The following CRYBB2 variants were observed in gnomAD, a reference collection of about 807,000 sequenced individuals.
CRYBB2 encodes crystallin beta B2, also known as beta-crystallin B2.
In CRYBB2, 12 loss-of-function variants were observed where a neutral mutation model predicts 24.3. The ratio of observed to expected loss-of-function variants is 0.49; its 90% CI spans 0.32 to 0.80. The LOEUF (loss-of-function observed/expected upper bound fraction) is 0.80, where lower values mean the gene tolerates loss of function less well. Ranked by LOEUF, CRYBB2 falls within the 30% of genes least tolerant of loss-of-function variation. The pLI, the probability that CRYBB2 is intolerant of heterozygous loss-of-function variation, is 0.04. For missense variants in CRYBB2, 198 were observed against 268.5 expected (o/e 0.74, Z 1.83); for synonymous variants, 98 against 101.6 (o/e 0.96, Z 0.21).
In CRYBB2 at chr22:25,224,980, C is replaced by T. The variant is rs1409100572; in HGVS notation, c.117C>T (p.Pro39=). Residue 39 remains proline, a synonymous_variant, in exon 3 of 6, where the codon CCC becomes CCT. Coordinates refer to ENST00000398215, the MANE Select transcript of CRYBB2 (RefSeq NM_000496.3). ...GHSHELNGPC[P]NLKETGVEKA... ...CGCATGAGCTCAATGGGCCCTGCCCCAACCTGAAGGAAACTGGCGTGGAGA... is the reference window on the plus strand; with the variant it reads ...CGCATGAGCTCAATGGGCCCTGCCCTAACCTGAAGGAAACTGGCGTGGAGA... 9 of 1,613,630 alleles carry T rather than the reference C, an allele frequency of 5.6e-6. No individual in the cohort carries two copies. Among genetic ancestry groups the T allele is most frequent in the Non-Finnish European group, 7.6e-6 (9 of 1,179,510 alleles).
At chr22:25,223,814 C>T (rs1394162134) in intron 2 of CRYBB2, among the ~76,000 whole-genome samples, 1 of 152,130 alleles carries the variant, frequency 6.6e-6, no homozygotes, top group African/African-American at 2.4e-5. Context: ...GCTGGAAAAC[C>T]TCTGCCTCCA....
upstream of CRYBB2, among the ~76,000 whole-genome samples, chr22:25,216,843 T>A (rs1935176119): frequency 6.6e-6 from 1 of 152,210 alleles, no homozygotes; most frequent in Admixed American, 6.5e-5. Flanking sequence ...TGAATTTGCC[T>A]ACCCTAGGTA....
At position 25,231,619 on chromosome 22, in the gene CRYBB2, G is replaced by A. The variant is rs751736346; in HGVS notation, c.465G>A (p.Gln155=). Residue 155 remains glutamine (Q), a synonymous_variant, in exon 6 of 6, where the codon CAG becomes CAA. Transcript: ENST00000398215. ...GGCCCTGCAGGTGGGTTGGCTACCAGTACCCCGGCTACCGTGGGCTGCAGT... is the reference window on the plus strand; with the variant it reads ...GGCCCTGCAGGTGGGTTGGCTACCAATACCCCGGCTACCGTGGGCTGCAGT... ...RVQSGTWVGY[Q]YPGYRGLQYL... 3.1e-6 allele frequency: 5 copies of A among 1,614,146 alleles called. No individual in the cohort carries two copies. The East Asian group carries it at 1.1e-4, about 36-fold the overall frequency.
intron 2 of CRYBB2, among the ~76,000 whole-genome samples, chr22:25,223,975 T>C (rs1175181043): frequency 1.3e-5 from 2 of 151,856 alleles, no homozygotes; most frequent in Admixed American, 1.3e-4. Flanking sequence ...ACAAAAAAAA[T>C]TAGCTGGGCG....
chr22:25,218,847 A>AAGG (rs1935271703), upstream of CRYBB2, among the ~76,000 whole-genome samples: 1 of 114,452 alleles, frequency 8.7e-6, no homozygotes, highest in African/African-American at 3.8e-5. Context: ...AGAGAAAGAA[A>AAGG]GAAAGAAAGA....
At position 25,227,840 on chromosome 22, in the gene CRYBB2, G is replaced by C. The variant is rs1935447602; in HGVS notation, c.174-13G>C. The C allele has an allele frequency of 6.2e-7, 1 of 1,614,060 alleles. No individual in the cohort carries two copies. The highest frequency in any genetic ancestry group is 8.5e-7 in the Non-Finnish European group (1 of 1,180,032). On this transcript the variant is annotated splice_polypyrimidine_tract_variant and intron_variant, in intron 3 of 5. Coordinates refer to ENST00000398215, the MANE Select transcript of CRYBB2 (RefSeq NM_000496.3). ...GAACTGACCTGCCCCCTTTCTCTCTGTCTCCATGGCAGCTGGGTGGGCTAT... is the reference window on the plus strand; with the variant it reads ...GAACTGACCTGCCCCCTTTCTCTCTCTCTCCATGGCAGCTGGGTGGGCTAT...
At chr22:25,226,354 A>G (rs1935415814) in intron 3 of CRYBB2, among the ~76,000 whole-genome samples, 2 of 152,218 alleles carry the variant, frequency 1.3e-5, no homozygotes, top group Admixed American at 1.3e-4. Context: ...AATTAGCATC[A>G]GATTCACAGA....
At chr22:25,215,275 G>A (rs111705295), upstream of CRYBB2, among the ~76,000 whole-genome samples, 31 of 152,354 alleles carry the variant, frequency 2.0e-4, 1 homozygote, top group African/African-American at 4.8e-4. Flanking sequence ...ACTTAAAGGC[G>A]TTCTTAAACC....
At chr22:25,218,783 A>AGAG (rs1569016308), upstream of CRYBB2, among the ~76,000 whole-genome samples, 1 of 62,340 alleles carries the variant, frequency 1.6e-5, no homozygotes. Context: ...GAGAGAGAAG[A>AGAG]AAGAAAGAAA....
chr22:25,228,967 C>T (rs1433137856), intron 4 of CRYBB2, among the ~76,000 whole-genome samples: 1 of 149,092 alleles, frequency 6.7e-6, no homozygotes, highest in Non-Finnish European at 1.5e-5. Flanking sequence ...TGCGTGTGTC[C>T]ATGTGTGTGT....
chr22:25,217,950 G>A (rs1410655611), upstream of CRYBB2, among the ~76,000 whole-genome samples: 2 of 152,112 alleles, frequency 1.3e-5, no homozygotes, highest in Non-Finnish European at 2.9e-5. Flanking sequence ...TGCAAGGAAG[G>A]TGTGTGCACT....
chr22:25,228,724 G>T (rs896827365), intron 4 of CRYBB2, among the ~76,000 whole-genome samples: 1 of 152,208 alleles, frequency 6.6e-6, no homozygotes. Flanking sequence ...TCTCTGTGCC[G>T]CGCTTTCCTC....
upstream of CRYBB2, among the ~76,000 whole-genome samples, chr22:25,212,346 A>G (rs377109933): frequency 1.2e-4 from 18 of 152,242 alleles, no homozygotes; most frequent in African/African-American, 4.3e-4. Flanking sequence ...TGAAAGCCCT[A>G]CAAAGAGGTT....
At chr22:25,220,216 T>C (rs1234008443) in intron 1 of CRYBB2, among the ~76,000 whole-genome samples, 2 of 152,250 alleles carry the variant, frequency 1.3e-5, no homozygotes, top group Admixed American at 6.5e-5. Context: ...ATTTGCTGCA[T>C]GCTGAGTGTG....
chr22:25,227,744 C>T lies in CRYBB2; in HGVS notation c.174-109C>T, dbSNP rs879558444. 124 of 1,587,314 alleles carry T rather than the reference C, an allele frequency of 7.8e-5. No individual in the cohort carries two copies. In the East Asian group the frequency reaches 2.4e-3, roughly 31 times the overall value. On this transcript the variant is annotated intron_variant, in intron 3 of 5. Coordinates refer to ENST00000398215, the MANE Select transcript of CRYBB2 (RefSeq NM_000496.3). Reference sequence around the variant, plus strand: ...TTTGGGTGGGGCTATTACATCTTGCCGGGCTGGGCAAGAGTGAACCCTAGG... The same window carrying T: ...TTTGGGTGGGGCTATTACATCTTGCTGGGCTGGGCAAGAGTGAACCCTAGG...
chr22:25,218,766 AGAGAGAGAGAGAG>A (rs1935244714), upstream of CRYBB2, among the ~76,000 whole-genome samples: 37 of 30,248 alleles, frequency 1.2e-3, no homozygotes, highest in Non-Finnish European at 1.6e-3. Flanking sequence ...AGAGAGAGAG[AGAGAGAGAGAGAG>A]AAGAAAGAAA....
intron 5 of CRYBB2, among the ~76,000 whole-genome samples, chr22:25,230,942 G>A (rs1225363389): frequency 1.2e-4 from 18 of 152,132 alleles, no homozygotes; most frequent in Non-Finnish European, 2.2e-4. Flanking sequence ...CCCAGACAAC[G>A]AGAGCAGCAT....
chr22:25,214,366 G>C (rs1029495482), intron 1 of CRYBB2, among the ~76,000 whole-genome samples: 4 of 152,280 alleles, frequency 2.6e-5, no homozygotes, highest in Middle Eastern at 3.4e-3. Flanking sequence ...AACATTTTGA[G>C]ATCATAGGAA....
At chr22:25,226,168 C>CTGTG (rs3064285) in intron 3 of CRYBB2, among the ~76,000 whole-genome samples, 4,569 of 149,072 alleles carry the variant, frequency 0.031, 72 homozygotes, top group Non-Finnish European at 0.04. Flanking sequence ...TTGGATTTCT[C>CTGTG]TGTGTGTGTG....
Sources: allele counts gnomAD v4.1 joint callset (sites outside exome capture counted in the v4.1 genomes callset), GRCh38; gene constraint gnomAD v4.1.1; transcripts MANE v1.5; gene names NCBI Gene and HGNC (gene_info 2026-07-23, HGNC 2026-07-21).